The following LIPK variants were observed in gnomAD, a reference collection of about 807,000 sequenced individuals.
The protein encoded by LIPK is lipase family member K.
In LIPK, 32 loss-of-function variants were observed where a neutral mutation model predicts 48.6. The observed-to-expected ratio is 0.66, with a 90% CI of 0.50 to 0.88. The LOEUF (loss-of-function observed/expected upper bound fraction) is 0.88. LIPK is among the 40% of genes least tolerant of loss of function. LIPK has a pLI of 0.00. For missense variants in LIPK, 507 were observed against 478.5 expected (o/e 1.06, Z -0.56); for synonymous variants, 164 against 157.4 (o/e 1.04, Z -0.32).
rs12413170 is a variant in LIPK, at chr10:88,734,954, G to A, written c.669+2403G>A. On this transcript the variant is annotated intron_variant, in intron 6 of 9. Coordinates refer to ENST00000404190, the MANE Select transcript of LIPK (RefSeq NM_001080518.2). ...CCTTTTTTATGGGAGCTTCTGGACT[G>A]AGACAACCTTTTTTCTCTCTCTGAT... Among the ~76,000 whole-genome samples the A allele has an allele frequency of 5.2e-4, 79 of 152,188 alleles. 2 individuals are homozygous for A. Among genetic ancestry groups the A allele is most frequent in the Admixed American group, 3.6e-3 (55 of 15,266 alleles).
intron 9 of LIPK, 51 bp from the exon 10 acceptor site, chr10:88,752,466 A>G: frequency 2.3e-6 from 3 of 1,333,036 alleles, no homozygotes; most frequent in South Asian, 1.3e-5. Context: ...TGTTACTTCT[A>G]TAATGTAATA....
At chr10:88,731,290 A>G (rs1842462547) in intron 4 of LIPK, 109 bp downstream of exon 4, 2 of 911,864 alleles carry the variant, frequency 2.2e-6, no homozygotes, top group African/African-American at 1.7e-5. Context: ...AATGGAATCC[A>G]CAAGAAGGAA....
intron 3 of LIPK, chr10:88,728,927 G>T: frequency 5.7e-6 from 1 of 176,654 alleles, no homozygotes; most frequent in Admixed American, 5.9e-5. Context: ...AATGTCCACG[G>T]CAGCACTTCT....
chr10:88,729,252 T>TGGGGGGG (rs71022537), intron 3 of LIPK, among the ~76,000 whole-genome samples: 16 of 40,130 alleles, frequency 4.0e-4, no homozygotes, highest in East Asian at 2.2e-3. Context: ...GGCTATCTGT[T>TGGGGGGG]GGGGGGGGGG....
chr10:88,715,902 T>C (rs1296991008), intron 1 of LIPK, among the ~76,000 whole-genome samples: 1 of 152,116 alleles, frequency 6.6e-6, no homozygotes, highest in African/African-American at 2.4e-5. Context: ...AAAATATGCC[T>C]ACCTCAAGAT....
At chr10:88,741,964 T>G (rs967067209) in intron 8 of LIPK, among the ~76,000 whole-genome samples, 2 of 152,150 alleles carry the variant, frequency 1.3e-5, no homozygotes, top group African/African-American at 4.8e-5. Flanking sequence ...CCACAGGCTG[T>G]ACAGGAAGCA....
At chr10:88,743,900 C>T (rs1842724835) in intron 9 of LIPK, among the ~76,000 whole-genome samples, 1 of 152,192 alleles carries the variant, frequency 6.6e-6, no homozygotes, top group South Asian at 2.1e-4. Flanking sequence ...CCCCCATAGA[C>T]ATTTGAGCTA....
Position 88,732,455 on chromosome 10 carries a change from G to A in LIPK, c.573G>A (p.Lys191=). 6.2e-7 allele frequency: 1 copy of A among 1,613,584 alleles called. No individual in the cohort carries two copies. Among genetic ancestry groups the A allele is most frequent in the East Asian group, 2.2e-5 (1 of 44,870 alleles). The change falls in exon 6 of 10, where the codon AAG becomes AAA. Residue 191 remains lysine (K), a synonymous_variant. Transcript: ENST00000404190. ...AFSTNPELAK[K]IKIFFALAPV... ...CTACAAACCCAGAACTGGCTAAAAAGATTAAGATATTTTTTGCACTGGCTC... is the reference window on the plus strand; with the variant it reads ...CTACAAACCCAGAACTGGCTAAAAAAATTAAGATATTTTTTGCACTGGCTC...
chr10:88,712,073 G>C (rs1842036839), intron 1 of LIPK, among the ~76,000 whole-genome samples: 1 of 152,104 alleles, frequency 6.6e-6, no homozygotes, highest in Non-Finnish European at 1.5e-5. Flanking sequence ...TATGTCAAAA[G>C]TTATTAAACA....
intron 1 of LIPK, among the ~76,000 whole-genome samples, chr10:88,723,828 A>C: frequency 6.6e-6 from 1 of 152,042 alleles, no homozygotes; most frequent in Non-Finnish European, 1.5e-5. Flanking sequence ...TATATGCACA[A>C]TTTGAAGTCT....
At position 88,732,298 on chromosome 10, in the gene LIPK, G is replaced by A. The variant is rs751655786; in HGVS notation, c.532+11G>A. 3.1e-6 allele frequency: 5 copies of A among 1,608,802 alleles called. No homozygotes were observed. In the South Asian group the frequency reaches 3.3e-5, roughly 11 times the overall value. On this transcript the variant is annotated intron_variant, in intron 5 of 9. Transcript: ENST00000404190. ...AAGGCACCACCATAGGTGTGTTTGG[G>A]GCAGATGTGATCAGAGAATGTCAGG...
chr10:88,744,454 C>T (rs752752041), intron 9 of LIPK, among the ~76,000 whole-genome samples: 85 of 152,168 alleles, frequency 5.6e-4, no homozygotes, highest in Non-Finnish European at 9.7e-4. Context: ...CAGCAGTGGC[C>T]AGAGAACAAA....
At chr10:88,728,872 C>T (rs1300490072) in intron 3 of LIPK, 1 of 178,372 alleles carries the variant, frequency 5.6e-6, no homozygotes, top group Non-Finnish European at 1.2e-5. Context: ...TTGACCCCTG[C>T]AATGGGAAGC....
intron 8 of LIPK, 72 bp from the exon 9 acceptor site, chr10:88,743,178 A>G: frequency 1.0e-6 from 1 of 984,612 alleles, no homozygotes; most frequent in Non-Finnish European, 1.5e-6. Flanking sequence ...TCTTCTTTGT[A>G]TATTTCTTCT....
intron 9 of LIPK, 111 bp downstream of exon 9, chr10:88,743,432 T>C (rs1326335312): frequency 1.4e-6 from 1 of 715,604 alleles, no homozygotes; most frequent in African/African-American, 1.8e-5. Flanking sequence ...ATATTGCTTA[T>C]TGCTGTTCTC....
chr10:88,751,290 T>G (rs549387619), intron 9 of LIPK, among the ~76,000 whole-genome samples: 32 of 152,328 alleles, frequency 2.1e-4, no homozygotes, highest in African/African-American at 7.0e-4. Context: ...GCCGATAGAC[T>G]GAGCTTAAAC....
At chr10:88,729,964 T>C (rs1443240946) in intron 3 of LIPK, among the ~76,000 whole-genome samples, 1 of 152,214 alleles carries the variant, frequency 6.6e-6, no homozygotes, top group African/African-American at 2.4e-5. Context: ...CTTTTTCCTT[T>C]CTCTTTTTTA....
intron 9 of LIPK, among the ~76,000 whole-genome samples, chr10:88,747,182 C>T (rs1329535442): frequency 1.3e-5 from 2 of 152,108 alleles, no homozygotes; most frequent in Non-Finnish European, 2.9e-5. Flanking sequence ...TTTTACCATA[C>T]ATGTAAGAAG....
chr10:88,735,436 C>T (rs559841666), intron 6 of LIPK, among the ~76,000 whole-genome samples: 3 of 152,350 alleles, frequency 2.0e-5, no homozygotes, highest in Non-Finnish European at 2.9e-5. Flanking sequence ...CCGAGTCACC[C>T]AGCTAATGGA....
Sources: allele counts gnomAD v4.1 joint callset (sites outside exome capture counted in the v4.1 genomes callset), GRCh38; gene constraint gnomAD v4.1.1; transcripts MANE v1.5; gene names NCBI Gene and HGNC (gene_info 2026-07-23, HGNC 2026-07-21).